Variants in ACVR1 observed in about 807,000 individuals in gnomAD.
The protein encoded by ACVR1 is activin receptor type-1.
Under a neutral mutation model 57.1 loss-of-function variants are expected in ACVR1, and 38 were observed. The observed-to-expected ratio is 0.67, with a 90% CI of 0.51 to 0.87. The LOEUF (loss-of-function observed/expected upper bound fraction) is 0.87, where lower values mean the gene tolerates loss of function less well. Ranked by LOEUF, ACVR1 falls within the 40% of genes least tolerant of loss-of-function variation. The pLI, the probability that ACVR1 is intolerant of heterozygous loss-of-function variation, is 0.00. For synonymous variants in ACVR1, 212 were observed against 228.1 expected, an observed-to-expected ratio of 0.93 and a Z score of 0.63; for missense variants, 463 against 638.2, an observed-to-expected ratio of 0.73 and a Z score of 2.96.
chr2:157,856,820 T>C (rs1376773472), intron 1 of ACVR1, among the ~76,000 whole-genome samples: 1 of 152,196 alleles, frequency 6.6e-6, no homozygotes, highest in Non-Finnish European at 1.5e-5. Flanking sequence ...ATTGGGCTGG[T>C]CTCAAGATAA....
At chr2:157,853,740 A>G (rs1689407059) in intron 1 of ACVR1, among the ~76,000 whole-genome samples, 1 of 152,198 alleles carries the variant, frequency 6.6e-6, no homozygotes, top group African/African-American at 2.4e-5. Context: ...GCCTTATGTC[A>G]CATCAATTCC....
At chr2:157,802,347 T>C (rs901240437) in intron 2 of ACVR1, among the ~76,000 whole-genome samples, 4 of 151,904 alleles carry the variant, frequency 2.6e-5, no homozygotes, top group South Asian at 4.2e-4. Flanking sequence ...AACGCAAGAA[T>C]GGCCAGGACA....
At chr2:157,815,118 C>A (rs1367225126) in intron 2 of ACVR1, among the ~76,000 whole-genome samples, 1 of 151,910 alleles carries the variant, frequency 6.6e-6, no homozygotes, top group Admixed American at 6.6e-5. Context: ...AAGAATGCAG[C>A]GCTACTATGG....
rs1161335923 is a variant in ACVR1, at chr2:157,863,336, CTTTTTTTTTTTTTTT to C, written c.-183+12445_-183+12459del. Reference sequence around the variant, plus strand: ...CCTATAGAACAGTTAAATTGTTTCTCTTTTTTTTTTTTTTTTTTTTTTTTTTTTTTTGCTACTCTA... The same window carrying C: ...CCTATAGAACAGTTAAATTGTTTCTCTTTTTTTTTTTTTTTTGCTACTCTA... On this transcript the variant is annotated intron_variant, in intron 1 of 10. Transcript: ENST00000434821. Among the ~76,000 whole-genome samples the C allele has an allele frequency of 6.4e-3, 227 of 35,700 alleles. 6 individuals are homozygous for C. The highest frequency in any genetic ancestry group is 0.021 in the African/African-American group (208 of 9,802). The allele number at this position is 35,700 out of a possible 152,430, so 23.4% of individuals were successfully genotyped here.
intron 3 of ACVR1, among the ~76,000 whole-genome samples, chr2:157,791,052 A>T (rs1390024677): frequency 6.6e-6 from 1 of 152,136 alleles, no homozygotes; most frequent in Non-Finnish European, 1.5e-5. Flanking sequence ...GGCTGGTCTA[A>T]TGGCTACTTA....
chr2:157,852,441 G>C (rs1241733712), intron 1 of ACVR1, among the ~76,000 whole-genome samples: 1 of 146,436 alleles, frequency 6.8e-6, no homozygotes, highest in Non-Finnish European at 1.5e-5. Context: ...AGACTGCAGT[G>C]AACAGAGGTC....
intron 1 of ACVR1, among the ~76,000 whole-genome samples, chr2:157,866,903 C>T (rs898623772): frequency 6.6e-5 from 10 of 152,182 alleles, no homozygotes; most frequent in Admixed American, 6.5e-5. Flanking sequence ...TTCCCATTTC[C>T]AAAAGGAAGC....
chr2:157,760,112 C>A (rs1685584489), intron 9 of ACVR1, among the ~76,000 whole-genome samples: 1 of 152,012 alleles, frequency 6.6e-6, no homozygotes, highest in Non-Finnish European at 1.5e-5. Flanking sequence ...TCAAGCAAGA[C>A]AAAGAAATAA....
chr2:157,741,666 A>T (rs1385193264), intron 9 of ACVR1, among the ~76,000 whole-genome samples: 2 of 151,788 alleles, frequency 1.3e-5, no homozygotes, highest in Non-Finnish European at 2.9e-5. Flanking sequence ...AAAAAGATGC[A>T]GTGTTGGTAA....
At chr2:157,833,467 C>G (rs1265415967) in intron 1 of ACVR1, among the ~76,000 whole-genome samples, 1 of 152,168 alleles carries the variant, frequency 6.6e-6, no homozygotes, top group Non-Finnish European at 1.5e-5. Flanking sequence ...AAATGAGCAG[C>G]TGGGAGTTGA....
chr2:157,752,607 C>A (rs1400416589), intron 9 of ACVR1, among the ~76,000 whole-genome samples: 1 of 152,180 alleles, frequency 6.6e-6, no homozygotes, highest in Non-Finnish European at 1.5e-5. Flanking sequence ...TCAGCAGAGA[C>A]CCCACAAGCT....
intron 9 of ACVR1, among the ~76,000 whole-genome samples, chr2:157,749,520 A>G (rs948343997): frequency 9.8e-5 from 15 of 152,344 alleles, no homozygotes; most frequent in African/African-American, 3.1e-4. Flanking sequence ...ACAAGTCAAA[A>G]TACCTAGAAA....
intron 3 of ACVR1, among the ~76,000 whole-genome samples, chr2:157,790,585 G>T (rs913730312): frequency 6.6e-6 from 1 of 152,128 alleles, no homozygotes. Flanking sequence ...ATTATTATTA[G>T]ATTATTGTTG....
intron 3 of ACVR1, among the ~76,000 whole-genome samples, chr2:157,785,006 C>T (rs992314958): frequency 1.3e-5 from 2 of 152,230 alleles, no homozygotes; most frequent in African/African-American, 4.8e-5. Context: ...CCCAGTCATG[C>T]ACTCTGCAAT....
chr2:157,768,421 T>C (rs1319432584), intron 7 of ACVR1, among the ~76,000 whole-genome samples: 8 of 152,126 alleles, frequency 5.3e-5, no homozygotes, highest in African/African-American at 1.2e-4. Flanking sequence ...GAAATTAAAT[T>C]ACTGTTATAT....
Position 157,826,757 on chromosome 2 carries a change from AAAGG to A in ACVR1, c.-182-8202_-182-8199del, listed in dbSNP as rs1559080597. On this transcript the variant is annotated intron_variant, in intron 1 of 10. Coordinates refer to ENST00000434821, the MANE Select transcript of ACVR1 (RefSeq NM_001111067.4). ...AAAGGAAAGGAAAGGAAAGGAAAGG[AAAGG>A]AAAGGAAAGGAAAGGAAAGGAAAGG... is the stretch of plus-strand genomic sequence containing the variant. 18 of 107,282 alleles carry A rather than the reference AAAGG, an allele frequency of 1.7e-4. 1 individual carries two copies. Among genetic ancestry groups the A allele is most frequent in the African/African-American group, 9.2e-4 (17 of 18,542 alleles). 6.6% of individuals were successfully genotyped at this position (107,282 alleles called of 1,614,324 possible).
At chr2:157,773,128 G>T (rs1453760988) in intron 6 of ACVR1, among the ~76,000 whole-genome samples, 1 of 152,142 alleles carries the variant, frequency 6.6e-6, no homozygotes, top group Non-Finnish European at 1.5e-5. Flanking sequence ...GGTGTGGAGA[G>T]GTTGCCAACC....
chr2:157,780,679 A>C lies in ACVR1; in HGVS notation c.68-79T>G, dbSNP rs1347539440. ...GAGTTTCACCTTCATTGAGGGAATG[A>C]CCATTCCAAACACCTCTATCAACAG... On this transcript the variant is annotated intron_variant, in intron 3 of 10. Transcript: ENST00000434821. 8 of 1,512,094 alleles carry C rather than the reference A, an allele frequency of 5.3e-6. No individual in the cohort carries two copies. The East Asian group carries it at 1.4e-4, about 26-fold the overall frequency. 93.7% of individuals were successfully genotyped at this position (1,512,094 alleles called of 1,614,324 possible).
rs563205580 is a variant in ACVR1, at chr2:157,805,801, G to T, written c.-7-6301C>A. Reference sequence around the variant, plus strand: ...AGTTTTTTGTTTGTTTGTTTGTTTGGGTTTTTTTTTTCTTTTTTCTTTTTT... The same window carrying T: ...AGTTTTTTGTTTGTTTGTTTGTTTGTGTTTTTTTTTTCTTTTTTCTTTTTT... On this transcript the variant is annotated intron_variant, in intron 2 of 10. Transcript: ENST00000434821. Among the ~76,000 whole-genome samples, 910 of 141,774 alleles carry T rather than the reference G, an allele frequency of 6.4e-3. 7 individuals are homozygous for T. Among genetic ancestry groups the T allele is most frequent in the African/African-American group, 0.021 (848 of 40,316 alleles). The allele number at this position is 141,774 out of a possible 152,430, so 93.0% of individuals were successfully genotyped here. A position where few individuals can be genotyped will look rare whatever the true frequency, so the allele number is the denominator to read the frequency against.
Sources: allele counts gnomAD v4.1 joint callset (sites outside exome capture counted in the v4.1 genomes callset), GRCh38; gene constraint gnomAD v4.1.1; transcripts MANE v1.5; gene names NCBI Gene and HGNC (gene_info 2026-07-23, HGNC 2026-07-21).